Variants in ANO10 observed in about 807,000 individuals in gnomAD.
ANO10 encodes anoctamin-10.
Under a neutral mutation model 74.7 loss-of-function variants are expected in ANO10, and 77 were observed. That is an observed-to-expected ratio of 1.03 (90% confidence interval 0.86 to 1.25). ANO10 has a LOEUF of 1.25. ANO10 is among the 50% of genes most tolerant of loss of function. The pLI, the probability that ANO10 is intolerant of heterozygous loss-of-function variation, is 0.00. For missense variants in ANO10, 721 were observed against 778.1 expected, an observed-to-expected ratio of 0.93 and a Z score of 0.87; for synonymous variants, 279 against 284.9, an observed-to-expected ratio of 0.98 and a Z score of 0.21.
At chr3:43,525,114 C>G (rs1334066369) in intron 11 of ANO10, among the ~76,000 whole-genome samples, 1 of 152,136 alleles carries the variant, frequency 6.6e-6, no homozygotes, top group Non-Finnish European at 1.5e-5. Context: ...CCCCCACCGA[C>G]CAATGACTGC....
chr3:43,432,415 T>C (rs1187782740), intron 12 of ANO10, among the ~76,000 whole-genome samples, 196 bp downstream of exon 12: 2 of 152,240 alleles, frequency 1.3e-5, no homozygotes, highest in East Asian at 3.8e-4. Flanking sequence ...GTTTCTTTAG[T>C]TTAGTTATTT....
At chr3:43,656,426 G>A (rs537386568) in intron 1 of ANO10, among the ~76,000 whole-genome samples, 12 of 152,360 alleles carry the variant, frequency 7.9e-5, no homozygotes, top group African/African-American at 2.9e-4. Flanking sequence ...CCGTGCGCTC[G>A]CACTCCTCAG....
intron 11 of ANO10, among the ~76,000 whole-genome samples, chr3:43,499,755 GATTT>G (rs2077035012): frequency 6.6e-6 from 1 of 151,462 alleles, no homozygotes; most frequent in South Asian, 2.1e-4. Flanking sequence ...TCTTTAGATA[GATTT>G]TTTTTTAATA....
chr3:43,491,841 T>C (rs2219902), intron 11 of ANO10, among the ~76,000 whole-genome samples: 33,697 of 152,064 alleles, frequency 0.22, 4,275 homozygotes, highest in Middle Eastern at 0.36. Context: ...AATGCAGAGA[T>C]AGCTTAAAAT....
At chr3:43,663,297 T>C (rs560173148) in intron 1 of ANO10, among the ~76,000 whole-genome samples, 16 of 152,250 alleles carry the variant, frequency 1.1e-4, no homozygotes, top group African/African-American at 3.9e-4. Context: ...AAAACCACGA[T>C]TATCTTAATA....
intron 1 of ANO10, among the ~76,000 whole-genome samples, chr3:43,667,186 G>C (rs2084003184): frequency 6.8e-6 from 1 of 146,610 alleles, no homozygotes; most frequent in Non-Finnish European, 1.5e-5. Context: ...TGCCTCCTGG[G>C]TTCAAGCAAT....
intron 9 of ANO10, among the ~76,000 whole-genome samples, chr3:43,560,043 G>C (rs1467229534): frequency 6.6e-6 from 1 of 152,198 alleles, no homozygotes; most frequent in Non-Finnish European, 1.5e-5. Flanking sequence ...TGTATCCTAT[G>C]GGGAGGAGAA....
intron 1 of ANO10, among the ~76,000 whole-genome samples, chr3:43,660,171 A>C (rs982588958): frequency 6.6e-6 from 1 of 152,170 alleles, no homozygotes; most frequent in Non-Finnish European, 1.5e-5. Flanking sequence ...AAAATTCCCA[A>C]AACCAGAATG....
intron 11 of ANO10, among the ~76,000 whole-genome samples, chr3:43,530,327 A>T (rs1376109575): frequency 6.6e-6 from 1 of 151,258 alleles, no homozygotes; most frequent in Non-Finnish European, 1.5e-5. Context: ...AACCAAAACA[A>T]GTGAACGAAA....
chr3:43,532,761 T>C (rs190631110), intron 11 of ANO10, among the ~76,000 whole-genome samples: 1 of 152,114 alleles, frequency 6.6e-6, no homozygotes, highest in Non-Finnish European at 1.5e-5. Context: ...CTTTTTCCCA[T>C]AAAAGAGTAA....
chr3:43,665,737 C>T (rs1012592398), intron 1 of ANO10, among the ~76,000 whole-genome samples: 2 of 152,180 alleles, frequency 1.3e-5, no homozygotes, highest in African/African-American at 4.8e-5. Context: ...TTGGTCGTAG[C>T]TCTGACTTTG....
intron 1 of ANO10, among the ~76,000 whole-genome samples, chr3:43,615,256 T>C (rs1461226804): frequency 6.6e-6 from 1 of 152,132 alleles, no homozygotes; most frequent in African/African-American, 2.4e-5. Context: ...AGAGATTAAA[T>C]AGACTGTCCA....
At chr3:43,690,576 TATCGGAC>T (rs1245754783) in intron 1 of ANO10, 1 of 183,498 alleles carries the variant, frequency 5.4e-6, no homozygotes, top group Admixed American at 6.2e-5. Flanking sequence ...CTGCACCATC[TATCGGAC>T]ACTAGCTAGG....
At chr3:43,680,136 C>A (rs1404803266) in intron 1 of ANO10, among the ~76,000 whole-genome samples, 2 of 152,052 alleles carry the variant, frequency 1.3e-5, no homozygotes, top group African/African-American at 2.4e-5. Flanking sequence ...TCAAACTACT[C>A]CGAGCTAAAG....
intron 7 of ANO10, among the ~76,000 whole-genome samples, chr3:43,573,250 G>A (rs1352574235): frequency 7.9e-5 from 12 of 152,060 alleles, no homozygotes; most frequent in Admixed American, 1.3e-4. Context: ...GCCATTTCAC[G>A]GTGTGAAGGA....
In ANO10 at chr3:43,396,099, G is replaced by A. The variant is rs912295571; in HGVS notation, c.1915-29125C>T. Reference sequence around the variant, plus strand: ...TTATTTTTTTTTTTTGCTTGATGGCGCTGGCCAGAACATTCGGCATAATGT... The same window carrying A: ...TTATTTTTTTTTTTTGCTTGATGGCACTGGCCAGAACATTCGGCATAATGT... On this transcript the variant is annotated intron_variant, in intron 12 of 12. Coordinates refer to ENST00000292246, the MANE Select transcript of ANO10 (RefSeq NM_018075.5). Among the ~76,000 whole-genome samples the A allele has an allele frequency of 2.7e-5, 4 of 149,268 alleles. No individual in the cohort carries two copies. The South Asian group carries it at 6.3e-4, about 23-fold the overall frequency.
At chr3:43,406,604 C>A (rs1195727991) in intron 12 of ANO10, among the ~76,000 whole-genome samples, 2 of 152,188 alleles carry the variant, frequency 1.3e-5, no homozygotes, top group Non-Finnish European at 2.9e-5. Flanking sequence ...GAATCACATG[C>A]CACCGATTCA....
chr3:43,548,315 T>C (rs2079294988), intron 11 of ANO10, among the ~76,000 whole-genome samples: 3 of 152,212 alleles, frequency 2.0e-5, no homozygotes, highest in Admixed American at 6.5e-5. Flanking sequence ...GGTCTCTCCC[T>C]GTCAAAGGTA....
At chr3:43,553,539 C>T (rs112233722) in intron 10 of ANO10, among the ~76,000 whole-genome samples, 2,469 of 136,000 alleles carry the variant, frequency 0.018, 67 homozygotes, top group African/African-American at 0.063. Context: ...TAATTTCTCT[C>T]TTTTTTTTTT....
Sources: allele counts gnomAD v4.1 joint callset (sites outside exome capture counted in the v4.1 genomes callset), GRCh38; gene constraint gnomAD v4.1.1; transcripts MANE v1.5; gene names NCBI Gene and HGNC (gene_info 2026-07-23, HGNC 2026-07-21).